SCRN3: variants seen among roughly 807,000 people sequenced by gnomAD.
SCRN3 encodes the protein secernin 3.
Under a neutral mutation model 43.1 loss-of-function variants are expected in SCRN3, and 39 were observed. The ratio of observed to expected loss-of-function variants is 0.91; its 90% CI spans 0.70 to 1.18. The LOEUF (loss-of-function observed/expected upper bound fraction) is 1.18, where lower values mean the gene tolerates loss of function less well. SCRN3 is among the 50% of genes most tolerant of loss of function. The pLI is 0.00. For synonymous variants in SCRN3, 147 were observed against 163.1 expected, an observed-to-expected ratio of 0.90 and a Z score of 0.75; for missense variants, 484 against 498.0, an observed-to-expected ratio of 0.97 and a Z score of 0.27.
Position 174,427,893 on chromosome 2 carries a change from T to C in SCRN3, c.1273T>C (p.Ter425GlnextTer1), listed in dbSNP as rs1387749176. 9.0e-6 allele frequency: 14 copies of C among 1,556,566 alleles called. No individual in the cohort carries two copies. The South Asian group carries it at 1.6e-4, about 17-fold the overall frequency. Reference sequence around the variant, plus strand: ...AAATTTATCAGTCAAAGTTAGTTCTTAGTGATCATATGGTCAGCTAATATT... The same window carrying C: ...AAATTTATCAGTCAAAGTTAGTTCTCAGTGATCATATGGTCAGCTAATATT... Reference protein sequence around the residue: ...QSNLSVKVSS* With the variant: ...QSNLSVKVSSQ Residue 425 changes from the stop codon to glutamine, a stop_lost, in exon 8 of 8, where the codon TAG (stop) becomes CAG (glutamine). Transcript: ENST00000272732.
chr2:174,416,565 C>A (rs894205683), intron 5 of SCRN3, among the ~76,000 whole-genome samples: 2 of 152,208 alleles, frequency 1.3e-5, no homozygotes, highest in African/African-American at 4.8e-5. Context: ...CTCTTCCCTT[C>A]CTGGGTTTAG....
At chr2:174,408,340 G>A in intron 5 of SCRN3, among the ~76,000 whole-genome samples, 1 of 129,854 alleles carries the variant, frequency 7.7e-6, no homozygotes, top group Non-Finnish European at 1.7e-5. Context: ...CTTTTATTTT[G>A]AGCCTATGTG....
chr2:174,400,151 A>G, intron 3 of SCRN3, 48 bp downstream of exon 3: 1 of 1,322,376 alleles, frequency 7.6e-7, no homozygotes, highest in Non-Finnish European at 1.0e-6. Flanking sequence ...TAAATTTATA[A>G]TTTTTGTGTA....
intron 5 of SCRN3, among the ~76,000 whole-genome samples, chr2:174,421,695 T>A (rs1686299105): frequency 6.6e-6 from 1 of 152,240 alleles, no homozygotes; most frequent in South Asian, 2.1e-4. Context: ...GTCTGATGAT[T>A]CTCTGAGGCT....
At chr2:174,397,576 A>T (rs1399189698) in intron 1 of SCRN3, among the ~76,000 whole-genome samples, 1 of 152,192 alleles carries the variant, frequency 6.6e-6, no homozygotes, top group African/African-American at 2.4e-5. Flanking sequence ...TCCCAGCTCA[A>T]ATAAGACCCC....
At chr2:174,401,242 C>T (rs1262348405) in intron 4 of SCRN3, 53 bp downstream of exon 4, 6 of 1,349,994 alleles carry the variant, frequency 4.4e-6, no homozygotes, top group Non-Finnish European at 5.3e-6. Flanking sequence ...TAAAATACAC[C>T]CTTACCTATA....
At chr2:174,406,294 G>T (rs71417484) in intron 5 of SCRN3, among the ~76,000 whole-genome samples, 6,826 of 117,868 alleles carry the variant, frequency 0.058, 250 homozygotes, top group Middle Eastern at 0.17. Context: ...CTTGTGATTT[G>T]TGCACATTGA....
chr2:174,404,955 C>T (rs1438183859), intron 5 of SCRN3, among the ~76,000 whole-genome samples: 1 of 122,084 alleles, frequency 8.2e-6, no homozygotes, highest in African/African-American at 2.8e-5. Flanking sequence ...GATTTATAGT[C>T]ATTTGGGTAT....
At chr2:174,398,032 G>C (rs932968790) in intron 1 of SCRN3, among the ~76,000 whole-genome samples, 5 of 152,132 alleles carry the variant, frequency 3.3e-5, no homozygotes, top group Admixed American at 2.6e-4. Flanking sequence ...GGAGGCAGAA[G>C]GGGGAGGATC....
intron 5 of SCRN3, among the ~76,000 whole-genome samples, chr2:174,412,116 TAGC>T (rs1037072540): frequency 6.9e-6 from 1 of 144,702 alleles, no homozygotes; most frequent in Non-Finnish European, 1.6e-5. Flanking sequence ...ACGGAGCAGT[TAGC>T]AGGGCAAAAA....
Position 174,399,889 on chromosome 2 carries a change from C to G in SCRN3, c.160-33C>G, listed in dbSNP as rs1329950750. 3 of 1,296,674 alleles carry G rather than the reference C, an allele frequency of 2.3e-6. No homozygotes were observed. In the Admixed American group the frequency reaches 9.9e-5, roughly 43 times the overall value. 80.3% of individuals were successfully genotyped at this position (1,296,674 alleles called of 1,614,324 possible). ...TGATAACTTTTCTGGTTTTGTGGTTCTTGCTATGACTTTTTTTTTTTTTTT... is the reference window on the plus strand; with the variant it reads ...TGATAACTTTTCTGGTTTTGTGGTTGTTGCTATGACTTTTTTTTTTTTTTT... On this transcript the variant is annotated intron_variant, in intron 2 of 7. Transcript: ENST00000272732.
chr2:174,417,679 C>T (rs1212226925), intron 5 of SCRN3, among the ~76,000 whole-genome samples: 3 of 152,156 alleles, frequency 2.0e-5, no homozygotes, highest in Non-Finnish European at 4.4e-5. Context: ...AGGCGTCAGC[C>T]GCCGCACCTG....
At chr2:174,417,455 A>G (rs1686154654) in intron 5 of SCRN3, among the ~76,000 whole-genome samples, 1 of 152,120 alleles carries the variant, frequency 6.6e-6, no homozygotes, top group Admixed American at 6.5e-5. Flanking sequence ...ATGCAGTAGC[A>G]TGATCTCAGC....
intron 5 of SCRN3, among the ~76,000 whole-genome samples, chr2:174,418,235 G>A (rs1364742753): frequency 2.6e-5 from 4 of 152,134 alleles, no homozygotes; most frequent in Non-Finnish European, 5.9e-5. Flanking sequence ...TTTTTCTCAA[G>A]TGTGAAATAT....
chr2:174,396,713 A>C (rs1685325003), intron 1 of SCRN3, among the ~76,000 whole-genome samples: 1 of 151,730 alleles, frequency 6.6e-6, no homozygotes, highest in South Asian at 2.1e-4. Flanking sequence ...CAGGAGAATC[A>C]CTTGAACGCG....
Position 174,427,734 on chromosome 2 carries a change from G to C in SCRN3, c.1114G>C (p.Asp372His). Residue 372 changes from aspartate to histidine, a missense_variant, in exon 8 of 8, where the codon GAC (aspartate) becomes CAC (histidine). By Grantham distance (81) the Asp-to-His change is moderately conservative (BLOSUM62 -1). Transcript: ENST00000272732. ...TTAGGAAAAAGCCAAAATAATGTTG[G>C]ACAACATGAGGAAACTGGAGAAAGA... ...NNEEKAKIML[D>H]NMRKLEKELF... 6.2e-7 allele frequency: 1 copy of C among 1,600,548 alleles called. No homozygotes were observed. Among genetic ancestry groups the C allele is most frequent in the Non-Finnish European group, 8.5e-7 (1 of 1,172,996 alleles).
At chr2:174,425,149 AAAT>A (rs577225387) in intron 7 of SCRN3, among the ~76,000 whole-genome samples, 15 of 152,294 alleles carry the variant, frequency 9.8e-5, no homozygotes, top group East Asian at 3.9e-4. Flanking sequence ...CAGAGACTTA[AAAT>A]AATAATGAGT....
intron 4 of SCRN3, among the ~76,000 whole-genome samples, chr2:174,402,213 G>A (rs1458925232): frequency 2.6e-5 from 4 of 152,176 alleles, no homozygotes; most frequent in African/African-American, 7.2e-5. Context: ...AATGTACTAC[G>A]TGCAAGAGAG....
chr2:174,404,343 G>A, intron 5 of SCRN3, 28 bp downstream of exon 5: 1 of 1,481,234 alleles, frequency 6.8e-7, no homozygotes, highest in Non-Finnish European at 9.4e-7. Context: ...ATAATATTAG[G>A]ATGACAAACT....
Sources: gnomAD v4.1 joint callset for allele counts (sites outside exome capture counted in the v4.1 genomes callset) on GRCh38, gnomAD v4.1.1 for gene constraint, MANE v1.5 for transcripts, NCBI Gene and HGNC (gene_info 2026-07-23, HGNC 2026-07-21) for gene names.